The following PRKCB variants were observed in gnomAD, a reference collection of about 807,000 sequenced individuals.
The protein encoded by PRKCB is protein kinase C beta, also known as protein kinase C beta type.
In PRKCB, 13 loss-of-function variants were observed where a neutral mutation model predicts 81.5. That is an observed-to-expected ratio of 0.16 (90% CI 0.10 to 0.25). The LOEUF (loss-of-function observed/expected upper bound fraction) is 0.25, where lower values mean the gene tolerates loss of function less well. Among genes scored for constraint, PRKCB ranks in the 10% least tolerant of loss-of-function variants. The pLI, the probability that PRKCB is intolerant of heterozygous loss-of-function variation, is 1.00. For missense variants in PRKCB, 509 were observed against 875.7 expected, an observed-to-expected ratio of 0.58 and a Z score of 5.29; for synonymous variants, 335 against 321.4, an observed-to-expected ratio of 1.04 and a Z score of -0.45.
intron 2 of PRKCB, among the ~76,000 whole-genome samples, chr16:23,878,023 G>T (rs181222052): frequency 0.013 from 1,908 of 152,038 alleles, 29 homozygotes; most frequent in African/African-American, 0.044. Context: ...TAGTAGAGAT[G>T]GGGTTTCACC....
At chr16:24,015,767 T>C (rs1475709581) in intron 3 of PRKCB, among the ~76,000 whole-genome samples, 1 of 152,242 alleles carries the variant, frequency 6.6e-6, no homozygotes, top group African/African-American at 2.4e-5. Flanking sequence ...CTTTATTGTT[T>C]TCCCCAACTA....
chr16:23,860,268 T>G (rs887451655), intron 2 of PRKCB, among the ~76,000 whole-genome samples: 1 of 152,178 alleles, frequency 6.6e-6, no homozygotes, highest in Non-Finnish European at 1.5e-5. Context: ...TGTTGTCACC[T>G]ATTGAGGGAG....
At chr16:24,041,142 C>G (rs1297724218) in intron 5 of PRKCB, among the ~76,000 whole-genome samples, 3 of 151,988 alleles carry the variant, frequency 2.0e-5, no homozygotes, top group Non-Finnish European at 4.4e-5. Context: ...CTCCCCCTCC[C>G]AGGTTCAAGC....
In PRKCB at chr16:24,218,296, G is replaced by A. The variant is rs986138163; in HGVS notation, c.*3480G>A. ...ACAATATTAAAGAGGAGGCATTCGA[G>A]CTTTGTTGTGAACACCGGAAGTAAC... is the stretch of plus-strand genomic sequence containing the variant. On this transcript the variant is annotated 3_prime_UTR_variant, in exon 17 of 17. Transcript: ENST00000643927. The A allele has an allele frequency of 2.0e-6, 2 of 985,370 alleles. No individual in the cohort carries two copies. The highest frequency in any genetic ancestry group is 3.5e-5 in the African/African-American group (2 of 57,326). 61.0% of individuals were successfully genotyped at this position (985,370 alleles called of 1,614,324 possible). A position where few individuals can be genotyped will look rare whatever the true frequency, so the allele number is the denominator to read the frequency against.
At chr16:23,855,375 T>A (rs1361237527) in intron 2 of PRKCB, among the ~76,000 whole-genome samples, 1 of 152,122 alleles carries the variant, frequency 6.6e-6, no homozygotes, top group Admixed American at 6.5e-5. Context: ...ATGAAGATAA[T>A]GGCACAGAGC....
At chr16:24,192,275 G>C (rs138885309) in intron 16 of PRKCB, among the ~76,000 whole-genome samples, 34 of 152,372 alleles carry the variant, frequency 2.2e-4, no homozygotes, top group Middle Eastern at 3.4e-3. Context: ...CTCACAGAGA[G>C]CTGATCATGG....
At chr16:24,158,174 G>A (rs1320789765) in intron 10 of PRKCB, among the ~76,000 whole-genome samples, 1 of 152,200 alleles carries the variant, frequency 6.6e-6, no homozygotes, top group Non-Finnish European at 1.5e-5. Context: ...TGAAGGAAGA[G>A]CAGATCCCCT....
At chr16:23,994,238 G>T (rs1453687664) in intron 3 of PRKCB, among the ~76,000 whole-genome samples, 1 of 152,162 alleles carries the variant, frequency 6.6e-6, no homozygotes, top group Non-Finnish European at 1.5e-5. Context: ...CAGAATAGGG[G>T]CTTATGGTGG....
intron 2 of PRKCB, among the ~76,000 whole-genome samples, chr16:23,906,338 C>T (rs990095262): frequency 6.6e-6 from 1 of 152,058 alleles, no homozygotes; most frequent in Non-Finnish European, 1.5e-5. Flanking sequence ...TGAACTGCTT[C>T]TTCTTTTTTG....
At chr16:23,894,146 G>A (rs1197339341) in intron 2 of PRKCB, among the ~76,000 whole-genome samples, 1 of 152,220 alleles carries the variant, frequency 6.6e-6, no homozygotes, top group African/African-American at 2.4e-5. Flanking sequence ...TTCCATAGCA[G>A]TTAGAGTTGC....
chr16:24,080,169 T>C (rs1966230969), intron 5 of PRKCB, among the ~76,000 whole-genome samples: 1 of 152,174 alleles, frequency 6.6e-6, no homozygotes, highest in South Asian at 2.1e-4. Context: ...AGGAGGATCT[T>C]AATTTCACCC....
chr16:24,002,298 GGT>G (rs546886407), intron 3 of PRKCB, among the ~76,000 whole-genome samples: 1 of 147,658 alleles, frequency 6.8e-6, no homozygotes. Context: ...CCAAAGCACA[GGT>G]GTGTGTGTGT....
At chr16:24,024,506 A>G (rs1044315120) in intron 3 of PRKCB, among the ~76,000 whole-genome samples, 6 of 152,230 alleles carry the variant, frequency 3.9e-5, no homozygotes, top group Non-Finnish European at 7.3e-5. Context: ...AAGTTAGGTG[A>G]TGGATATGTT....
intron 12 of PRKCB, among the ~76,000 whole-genome samples, chr16:24,176,073 G>A (rs1049526918): frequency 6.6e-6 from 1 of 151,866 alleles, no homozygotes; most frequent in Admixed American, 6.6e-5. Context: ...ATGGAGAAAT[G>A]GGAAGTGGGG....
At chr16:24,113,153 C>T in intron 8 of PRKCB, 84 bp downstream of exon 8, 2 of 982,518 alleles carry the variant, frequency 2.0e-6, no homozygotes, top group Non-Finnish European at 3.0e-6. Flanking sequence ...CTTTCTTTCT[C>T]TTTCTCTCTT....
intron 10 of PRKCB, among the ~76,000 whole-genome samples, chr16:24,162,633 G>T (rs1199715726): frequency 6.6e-6 from 1 of 151,570 alleles, no homozygotes; most frequent in Non-Finnish European, 1.5e-5. Flanking sequence ...AAATTTTTTT[G>T]TAGAGATGGG....
intron 16 of PRKCB, among the ~76,000 whole-genome samples, chr16:24,201,210 A>T (rs546779076): frequency 2.2e-4 from 34 of 152,264 alleles, no homozygotes; most frequent in South Asian, 8.3e-4. Context: ...GTCTGTCTAC[A>T]GCTTCTCTCT....
intron 4 of PRKCB, among the ~76,000 whole-genome samples, chr16:24,034,382 C>T (rs779548419): frequency 6.6e-6 from 1 of 152,324 alleles, no homozygotes; most frequent in South Asian, 2.1e-4. Context: ...CTTCTGGCTT[C>T]TCCAACTGGA....
chr16:23,957,154 A>T (rs942781034), intron 2 of PRKCB, among the ~76,000 whole-genome samples: 1 of 152,068 alleles, frequency 6.6e-6, no homozygotes, highest in Non-Finnish European at 1.5e-5. Flanking sequence ...TTGCTTATGT[A>T]ATAAGAAAGA....
Sources: allele counts gnomAD v4.1 joint callset (sites outside exome capture counted in the v4.1 genomes callset), GRCh38; gene constraint gnomAD v4.1.1; transcripts MANE v1.5; gene names NCBI Gene and HGNC (gene_info 2026-07-23, HGNC 2026-07-21).